GLS: variants seen among roughly 807,000 people sequenced by gnomAD.
GLS encodes the protein glutaminase.
GLS carries 36 observed loss-of-function variants against 86.7 expected under a neutral mutation model. That is an observed-to-expected ratio of 0.42 (90% CI 0.32 to 0.55). The LOEUF (loss-of-function observed/expected upper bound fraction) is 0.55, where lower values mean the gene tolerates loss of function less well. GLS is among the 20% of genes least tolerant of loss of function. GLS has a pLI of 0.17. For missense variants in GLS, 528 were observed against 833.4 expected, an observed-to-expected ratio of 0.63 and a Z score of 4.51; for synonymous variants, 317 against 305.9, an observed-to-expected ratio of 1.04 and a Z score of -0.38.
rs1241191659 is a variant in GLS, at chr2:190,953,373, A to T, written c.1651-192A>T. Among the ~76,000 whole-genome samples, 1 of 152,094 alleles carries T rather than the reference A, an allele frequency of 6.6e-6. No individual in the cohort carries two copies. Among genetic ancestry groups the T allele is most frequent in the Non-Finnish European group, 1.5e-5 (1 of 68,024 alleles). ...TATCTTTATTATTGAATTTTCCCTC[A>T]CAATCCACTGTTAAAAGAAGAAAGT... On this transcript the variant is annotated intron_variant, in intron 14 of 17. Transcript: ENST00000320717. The surrounding 1 kb of genome is among the most constrained non-coding windows in gnomAD (Gnocchi z 4.0).
chr2:190,900,692 A>G lies in GLS; in HGVS notation c.734A>G (p.Lys245Arg), dbSNP rs750810421. 3.7e-6 allele frequency: 6 copies of G among 1,604,878 alleles called. No individual in the cohort carries two copies. The East Asian group carries it at 6.7e-5, about 18-fold the overall frequency. ...AGTGCTAAAAAGCAGTCTGGAGGAAAGGTAATGCTTTTGATGTACATATTT... is the reference window on the plus strand; with the variant it reads ...AGTGCTAAAAAGCAGTCTGGAGGAAGGGTAATGCTTTTGATGTACATATTT... ...YESAKKQSGG[K>R]VADYIPQLAK... is the part of the protein sequence containing the mutation. Residue 245 changes from lysine to arginine, a missense_variant and splice_region_variant, in exon 4 of 18, where the codon AAG becomes AGG. Coordinates refer to ENST00000320717, the MANE Select transcript of GLS (RefSeq NM_014905.5).
rs1351142165 is a variant in GLS at position 190,949,617 on chromosome 2, C to A, written c.1651-3948C>A. Among the ~76,000 whole-genome samples the A allele has an allele frequency of 6.6e-6, 1 of 151,938 alleles. No individual in the cohort carries two copies. The highest frequency in any genetic ancestry group is 1.5e-5 in the Non-Finnish European group (1 of 67,976). On this transcript the variant is annotated intron_variant, in intron 14 of 17. Coordinates refer to ENST00000320717, the MANE Select transcript of GLS (RefSeq NM_014905.5). The surrounding 1 kb of genome is among the most constrained non-coding windows in gnomAD (Gnocchi z 4.0). ...CTGAGGTGGGAGAATCACTTGAACC[C>A]GAGAGGCGAAGGTTGTATGAGCCGA... is the stretch of plus-strand genomic sequence containing the variant.
At chr2:190,939,912 T>C (rs187974964) in intron 14 of GLS, among the ~76,000 whole-genome samples, 234 of 151,892 alleles carry the variant, frequency 1.5e-3, no homozygotes, top group Non-Finnish European at 2.8e-3. Flanking sequence ...ATTTCAAATA[T>C]TCTATTTTTT....
At chr2:190,950,823 T>C (rs1040974900) in intron 14 of GLS, among the ~76,000 whole-genome samples, 1 of 152,200 alleles carries the variant, frequency 6.6e-6, no homozygotes. Flanking sequence ...CTGGGGAGAC[T>C]AGAAGAGGAG....
chr2:190,959,158 C>A (rs1321883562), intron 17 of GLS, among the ~76,000 whole-genome samples: 1 of 151,718 alleles, frequency 6.6e-6, no homozygotes, highest in Non-Finnish European at 1.5e-5. Context: ...GCATTGATCC[C>A]TTTACCATTA....
intron 3 of GLS, among the ~76,000 whole-genome samples, chr2:190,898,138 T>C (rs1447159337): frequency 6.6e-6 from 1 of 152,182 alleles, no homozygotes; most frequent in Non-Finnish European, 1.5e-5. Context: ...TTTGATCTTT[T>C]TGTTTTGCAA....
intron 3 of GLS, among the ~76,000 whole-genome samples, chr2:190,898,481 C>T (rs530664567): frequency 7.2e-5 from 11 of 152,164 alleles, no homozygotes; most frequent in East Asian, 1.9e-4. Context: ...GAATGGTGAT[C>T]GGTATGCAGT....
At position 190,895,319 on chromosome 2, in the gene GLS, A is replaced by G. The variant is rs758635335; in HGVS notation, c.483+71A>G. The stretch of plus-strand genomic sequence containing the variant: ...AATAAATATATACAGTATTATTGAA[A>G]TATAGTCTTAAAGGTCGTCTGACAT... On this transcript the variant is annotated intron_variant, in intron 2 of 17. Transcript: ENST00000320717. This position sits in a 1 kb window ranked among gnomAD's most constrained non-coding sequence, Gnocchi z 4.2. 2 of 649,950 alleles carry G rather than the reference A, an allele frequency of 3.1e-6. No homozygotes were observed. 40.3% of individuals were successfully genotyped at this position (649,950 alleles called of 1,614,324 possible).
chr2:190,928,459 C>T (rs1226693093), intron 12 of GLS, among the ~76,000 whole-genome samples: 2 of 151,454 alleles, frequency 1.3e-5, no homozygotes, highest in Admixed American at 6.6e-5. Flanking sequence ...CTCAGCCTCC[C>T]GAGTAGCTGG....
At chr2:190,881,710 C>G (rs1011031420) in intron 1 of GLS, 5 of 457,732 alleles carry the variant, frequency 1.1e-5, no homozygotes, top group Non-Finnish European at 1.9e-5. Flanking sequence ...GGGGGTCGCC[C>G]TGGTGGGGCC....
chr2:190,958,214 T>G (rs556895984), intron 17 of GLS, among the ~76,000 whole-genome samples: 6 of 152,350 alleles, frequency 3.9e-5, no homozygotes, highest in Admixed American at 6.5e-5. Context: ...TTTTCTAGTT[T>G]ATTTGCATAG....
rs563567474 is a variant in GLS at position 190,953,122 on chromosome 2, G to A, written c.1651-443G>A. On this transcript the variant is annotated intron_variant, in intron 14 of 17. Transcript: ENST00000320717. The surrounding 1 kb of genome is among the most constrained non-coding windows in gnomAD (Gnocchi z 4.0). Reference sequence around the variant, plus strand: ...TCTCTTAAGATTTGCAAAGAAGCCAGTGATTGGTGAGGATAGTGATTCTTG... The same window carrying A: ...TCTCTTAAGATTTGCAAAGAAGCCAATGATTGGTGAGGATAGTGATTCTTG... Among the ~76,000 whole-genome samples the A allele has an allele frequency of 4.6e-5, 7 of 152,348 alleles. No homozygotes were observed. In the South Asian group the frequency reaches 1.4e-3, roughly 32 times the overall value.
chr2:190,893,488 C>G (rs1001926851), intron 1 of GLS, among the ~76,000 whole-genome samples: 1 of 152,162 alleles, frequency 6.6e-6, no homozygotes, highest in Admixed American at 6.6e-5. Context: ...TCATAAAATC[C>G]TTGGAGGATT....
In GLS at chr2:190,914,122, T is replaced by C. The variant is rs1194278291; in HGVS notation, c.1038+3801T>C. Among the ~76,000 whole-genome samples, 1 of 152,220 alleles carries C rather than the reference T, an allele frequency of 6.6e-6. No homozygotes were observed. Among genetic ancestry groups the C allele is most frequent in the Non-Finnish European group, 1.5e-5 (1 of 68,032 alleles). ...CATTCTAGTGGTAGTTTCCAGTTTT[T>C]GTCATTTAAAGAAGTTCAATTTTCT... On this transcript the variant is annotated intron_variant, in intron 7 of 17. Coordinates refer to ENST00000320717, the MANE Select transcript of GLS (RefSeq NM_014905.5). This position sits in a 1 kb window ranked among gnomAD's most constrained non-coding sequence, Gnocchi z 4.4.
intron 17 of GLS, among the ~76,000 whole-genome samples, chr2:190,960,908 C>T (rs1285192794): frequency 1.3e-5 from 2 of 152,146 alleles, no homozygotes; most frequent in Admixed American, 6.6e-5. Context: ...TTCCCTTTCC[C>T]CAAATTTTAA....
intron 1 of GLS, among the ~76,000 whole-genome samples, chr2:190,888,714 A>T (rs955320382): frequency 1.3e-5 from 2 of 152,118 alleles, no homozygotes; most frequent in Non-Finnish European, 2.9e-5. Flanking sequence ...TTTATTGGTA[A>T]GTTCTCTCAT....
rs1227528507 is a variant in GLS, at chr2:190,935,329, A to G, written c.1650+3692A>G. 1 of 275,990 alleles carries G rather than the reference A, an allele frequency of 3.6e-6. No individual in the cohort carries two copies. Among genetic ancestry groups the G allele is most frequent in the East Asian group, 1.8e-4 (1 of 5,674 alleles). The allele number at this position is 275,990 out of a possible 1,614,324, so 17.1% of individuals were successfully genotyped here. A position where few individuals can be genotyped will look rare whatever the true frequency, so the allele number is the denominator to read the frequency against. On this transcript the variant is annotated intron_variant, in intron 14 of 17. Coordinates refer to ENST00000320717, the MANE Select transcript of GLS (RefSeq NM_014905.5). This position sits in a 1 kb window ranked among gnomAD's most constrained non-coding sequence, Gnocchi z 4.2. Reference sequence around the variant, plus strand: ...TTGTTTTGTTTTGTTTTGTTTTTATAAAAGCAACTTCAACATTTTAAGTAC... The same window carrying G: ...TTGTTTTGTTTTGTTTTGTTTTTATGAAAGCAACTTCAACATTTTAAGTAC...
intron 14 of GLS, 93 bp downstream of exon 14, chr2:190,931,730 T>A (rs910372143): frequency 8.5e-5 from 51 of 596,736 alleles, no homozygotes; most frequent in Non-Finnish European, 6.0e-6. Context: ...AGTTTGTTAG[T>A]GGCCTCGGGT....
rs1216417921 is a variant in GLS at position 190,964,306 on chromosome 2, TAGTG to T, written c.*1323_*1326del. ...CATACCTCGAGATAAAGTGGCATGT[TAGTG>T]AGGAGTTCTGATATTAAGCACACAC... On this transcript the variant is annotated 3_prime_UTR_variant, in exon 18 of 18. Transcript: ENST00000320717. The surrounding 1 kb of genome is among the most constrained non-coding windows in gnomAD (Gnocchi z 5.2). 3 of 152,272 alleles carry T rather than the reference TAGTG, an allele frequency of 2.0e-5. No homozygotes were observed. Among genetic ancestry groups the T allele is most frequent in the South Asian group, 2.1e-4 (1 of 4,824 alleles). 9.4% of individuals were successfully genotyped at this position (152,272 alleles called of 1,614,324 possible). A position where few individuals can be genotyped will look rare whatever the true frequency, so the allele number is the denominator to read the frequency against.
Sources: gnomAD v4.1 joint callset for allele counts (sites outside exome capture counted in the v4.1 genomes callset) on GRCh38, gnomAD v4.1.1 for gene constraint, Gnocchi (gnomAD v3.1) non-coding constraint, MANE v1.5 for transcripts, NCBI Gene and HGNC (gene_info 2026-07-23, HGNC 2026-07-21) for gene names.